Variants in PIK3CB observed in about 807,000 individuals in gnomAD.
The protein encoded by PIK3CB is phosphatidylinositol-4,5-bisphosphate 3-kinase catalytic subunit beta, also known as phosphatidylinositol 4,5-bisphosphate 3-kinase catalytic subunit beta isoform.
Under a neutral mutation model 136.8 loss-of-function variants are expected in PIK3CB, and 39 were observed. The ratio of observed to expected loss-of-function variants is 0.29; its 90% confidence interval spans 0.22 to 0.37. The LOEUF is 0.37. Ranked by LOEUF, PIK3CB falls within the 10% of genes least tolerant of loss-of-function variation. The pLI, the probability that PIK3CB is intolerant of heterozygous loss-of-function variation, is 1.00. For synonymous variants in PIK3CB, 428 were observed against 436.6 expected, an observed-to-expected ratio of 0.98 and a Z score of 0.25; for missense variants, 868 against 1,275.4, an observed-to-expected ratio of 0.68 and a Z score of 4.87.
intron 10 of PIK3CB, among the ~76,000 whole-genome samples, chr3:138,708,176 G>A (rs1033234422): frequency 6.6e-6 from 1 of 151,716 alleles, no homozygotes; most frequent in Non-Finnish European, 1.5e-5. Flanking sequence ...TCCTAAAGCT[G>A]GAAAATCTTT....
At chr3:138,705,154 G>GAAAAAAAA (rs1559828431) in intron 11 of PIK3CB, among the ~76,000 whole-genome samples, 1 of 29,886 alleles carries the variant, frequency 3.3e-5, no homozygotes, top group Non-Finnish European at 6.1e-5. Flanking sequence ...GATTAGAAAG[G>GAAAAAAAA]CAAAAAAAAA....
intron 12 of PIK3CB, among the ~76,000 whole-genome samples, chr3:138,701,044 C>T (rs2044241808): frequency 6.6e-6 from 1 of 151,996 alleles, no homozygotes; most frequent in African/African-American, 2.4e-5. Context: ...GCCGATATTG[C>T]CTCCTGATAA....
chr3:138,669,857 A>G (rs1292988794), intron 19 of PIK3CB, among the ~76,000 whole-genome samples: 1 of 152,174 alleles, frequency 6.6e-6, no homozygotes, highest in Non-Finnish European at 1.5e-5. Flanking sequence ...ACTTTAACCT[A>G]AACAGCTGGC....
chr3:138,771,714 C>T (rs1309506227), intron 2 of PIK3CB, among the ~76,000 whole-genome samples: 1 of 152,084 alleles, frequency 6.6e-6, no homozygotes, highest in African/African-American at 2.4e-5. Context: ...TACAAAACAT[C>T]TGCACCAGCC....
At chr3:138,812,148 C>T (rs1035644766) in intron 1 of PIK3CB, among the ~76,000 whole-genome samples, 5 of 151,410 alleles carry the variant, frequency 3.3e-5, no homozygotes, top group South Asian at 4.2e-4. Flanking sequence ...ATTCTCGAAA[C>T]GACAAAATCA....
At chr3:138,832,149 T>C (rs955868224) in intron 1 of PIK3CB, among the ~76,000 whole-genome samples, 1 of 152,190 alleles carries the variant, frequency 6.6e-6, no homozygotes, top group African/African-American at 2.4e-5. Flanking sequence ...TTCACTTTTT[T>C]CCATATAGTT....
intron 11 of PIK3CB, among the ~76,000 whole-genome samples, chr3:138,706,650 T>G (rs1290475637): frequency 2.0e-5 from 3 of 152,228 alleles, no homozygotes; most frequent in African/African-American, 7.2e-5. Context: ...ACTCCAGAGA[T>G]GCCTTTTCTC....
At chr3:138,785,919 T>A (rs1479688656) in intron 2 of PIK3CB, among the ~76,000 whole-genome samples, 1 of 151,372 alleles carries the variant, frequency 6.6e-6, no homozygotes, top group Non-Finnish European at 1.5e-5. Flanking sequence ...AAACTAGGCA[T>A]AATCCTAATG....
At chr3:138,719,390 T>C (rs1200058520) in intron 8 of PIK3CB, among the ~76,000 whole-genome samples, 1 of 151,718 alleles carries the variant, frequency 6.6e-6, no homozygotes, top group South Asian at 2.1e-4. Context: ...GGATTACAGG[T>C]GCGCACCACC....
chr3:138,814,063 T>C (rs1933192189), intron 1 of PIK3CB, among the ~76,000 whole-genome samples: 1 of 152,102 alleles, frequency 6.6e-6, no homozygotes, highest in Non-Finnish European at 1.5e-5. Context: ...GATGATGAGG[T>C]ATAATCCCAT....
At chr3:138,704,579 A>G in intron 11 of PIK3CB, 86 bp from the exon 12 acceptor site, 1 of 850,100 alleles carries the variant, frequency 1.2e-6, no homozygotes, top group Non-Finnish European at 2.0e-6. Flanking sequence ...TACTTAGACT[A>G]CATAAGATCT....
chr3:138,683,565 T>C, intron 18 of PIK3CB, 113 bp downstream of exon 18: 5 of 658,818 alleles, frequency 7.6e-6, no homozygotes, highest in South Asian at 1.8e-5. Context: ...AATAGCTACC[T>C]TCCTGGCTGC....
chr3:138,656,263 C>T lies in PIK3CB; in HGVS notation c.2954G>A (p.Cys985Tyr). ...TAAAATCAGATATGCATCCTCACAA[C>T]ACTGGCGGAACCTTTGGGTGATGCA... ...NTEKFGRFRQ[C>Y]CEDAYLILRR... The change falls in exon 23 of 24, where the codon TGT (cysteine) becomes TAT (tyrosine). Residue 985 changes from cysteine (C) to tyrosine (Y), a missense_variant. Around this residue, in one of 4 missense-constraint regions of PIK3CB, gnomAD observed 88 missense variants for 147.8 expected, o/e 0.60. Transcript: ENST00000674063. 2 of 1,614,146 alleles carry T rather than the reference C, an allele frequency of 1.2e-6. No homozygotes were observed. The highest frequency in any genetic ancestry group is 8.5e-7 in the Non-Finnish European group (1 of 1,180,012).
chr3:138,722,134 T>C (rs1012751523), intron 8 of PIK3CB, among the ~76,000 whole-genome samples: 1 of 151,300 alleles, frequency 6.6e-6, no homozygotes, highest in Non-Finnish European at 1.5e-5. Context: ...TGGGTGTTTT[T>C]TTTTTTTTTT....
chr3:138,791,320 T>A (rs2046045298), intron 2 of PIK3CB, among the ~76,000 whole-genome samples: 1 of 152,140 alleles, frequency 6.6e-6, no homozygotes, highest in Non-Finnish European at 1.5e-5. Flanking sequence ...TTTTTACATT[T>A]TTTGTAGTGA....
chr3:138,785,185 G>A (rs1281877697), intron 2 of PIK3CB, among the ~76,000 whole-genome samples: 159 of 151,420 alleles, frequency 1.1e-3, no homozygotes, highest in Non-Finnish European at 1.6e-3. Context: ...CGTCCGGGAG[G>A]GAGGTGGGGG....
chr3:138,773,364 C>G (rs148858624), intron 2 of PIK3CB, among the ~76,000 whole-genome samples: 1 of 151,966 alleles, frequency 6.6e-6, no homozygotes, highest in Non-Finnish European at 1.5e-5. Flanking sequence ...ACACTCCAGC[C>G]TGGGCGATAG....
intron 3 of PIK3CB, among the ~76,000 whole-genome samples, chr3:138,756,771 T>C (rs2045576337): frequency 6.6e-6 from 1 of 152,132 alleles, no homozygotes; most frequent in African/African-American, 2.4e-5. Context: ...ATAATAATAA[T>C]GATAGGTAAA....
intron 1 of PIK3CB, among the ~76,000 whole-genome samples, chr3:138,808,648 C>A (rs1340625827): frequency 4.6e-5 from 7 of 151,760 alleles, no homozygotes; most frequent in Non-Finnish European, 1.0e-4. Flanking sequence ...CATGCCACTG[C>A]ACTCTAGCAT....
Sources: allele counts gnomAD v4.1 joint callset (sites outside exome capture counted in the v4.1 genomes callset), GRCh38; gene constraint gnomAD v4.1.1; regional missense constraint gnomAD v4.1.1; transcripts MANE v1.5; gene names NCBI Gene and HGNC (gene_info 2026-07-23, HGNC 2026-07-21).